The following CTNNA3 variants were observed in gnomAD, a reference collection of about 807,000 sequenced individuals.
CTNNA3 encodes the protein catenin alpha 3, also known as catenin alpha-3.
CTNNA3 carries 76 observed loss-of-function variants against 95.7 expected under a neutral mutation model. The observed-to-expected ratio is 0.79, with a 90% confidence interval of 0.66 to 0.96. The LOEUF (loss-of-function observed/expected upper bound fraction) is 0.96, where lower values mean the gene tolerates loss of function less well. CTNNA3 is among the 40% of genes least tolerant of loss of function. The probability of loss-of-function intolerance (pLI) is 0.00; values close to 1 mark genes in which losing one functional copy is unlikely to be tolerated. For missense variants in CTNNA3, 1,191 were observed against 1,089.8 expected (o/e 1.09, Z -1.31); for synonymous variants, 431 against 374.4 (o/e 1.15, Z -1.74).
intron 3 of CTNNA3, among the ~76,000 whole-genome samples, chr10:67,605,594 C>G (rs1843244515): frequency 6.6e-6 from 1 of 152,158 alleles, no homozygotes; most frequent in South Asian, 2.1e-4. Flanking sequence ...AACCATTTTA[C>G]TATTTATATG....
At chr10:67,719,737 G>T (rs1326876932) in intron 1 of CTNNA3, among the ~76,000 whole-genome samples, 1 of 152,180 alleles carries the variant, frequency 6.6e-6, no homozygotes, top group East Asian at 1.9e-4. Flanking sequence ...GTCAACTTTA[G>T]AATAAGTGCT....
At chr10:66,819,705 AGACATACAAATG>A (rs2132287507) in intron 7 of CTNNA3, among the ~76,000 whole-genome samples, 1 of 152,330 alleles carries the variant, frequency 6.6e-6, no homozygotes, top group Non-Finnish European at 1.5e-5. Flanking sequence ...ACATTTTTCT[AGACATACAAATG>A]GTCAATACAA....
intron 9 of CTNNA3, among the ~76,000 whole-genome samples, chr10:66,651,740 G>C (rs1845911683): frequency 6.6e-6 from 1 of 152,094 alleles, no homozygotes; most frequent in African/African-American, 2.4e-5. Context: ...GGCCTGCTGT[G>C]CTGGCCTGCG....
At chr10:67,380,372 A>G (rs1843895638) in intron 5 of CTNNA3, among the ~76,000 whole-genome samples, 1 of 152,238 alleles carries the variant, frequency 6.6e-6, no homozygotes, top group South Asian at 2.1e-4. Flanking sequence ...ATGAAAGATT[A>G]TTCAATAAAT....
intron 7 of CTNNA3, among the ~76,000 whole-genome samples, chr10:66,919,297 C>T (rs1445122259): frequency 6.6e-6 from 1 of 152,042 alleles, no homozygotes; most frequent in Non-Finnish European, 1.5e-5. Flanking sequence ...ATACTAGCCT[C>T]TCAACTTTTG....
At chr10:66,136,466 A>C (rs769450323) in intron 13 of CTNNA3, among the ~76,000 whole-genome samples, 16 of 151,502 alleles carry the variant, frequency 1.1e-4, no homozygotes, top group Non-Finnish European at 1.6e-4. Flanking sequence ...ATTGGATAAT[A>C]GTTTTCAAAC....
intron 10 of CTNNA3, among the ~76,000 whole-genome samples, chr10:66,571,933 G>A (rs1035016938): frequency 4.6e-5 from 7 of 152,184 alleles, no homozygotes; most frequent in African/African-American, 1.7e-4. Flanking sequence ...CAATTAATTA[G>A]TGTGTATTCA....
At position 66,927,126 on chromosome 10, in the gene CTNNA3, T is replaced by C. The variant is rs1447731608; in HGVS notation, c.1048-151602A>G. 1.2e-6 allele frequency: 2 copies of C among 1,614,194 alleles called. No individual in the cohort carries two copies. Among genetic ancestry groups the C allele is most frequent in the South Asian group, 1.1e-5 (1 of 91,086 alleles). ...GTTGCTTAGGTTTGTCCCTTCGCTATAACAGCCTTCAAAAACTTAAGTATA... is the reference window on the plus strand; with the variant it reads ...GTTGCTTAGGTTTGTCCCTTCGCTACAACAGCCTTCAAAAACTTAAGTATA... On this transcript the variant is annotated intron_variant, in intron 7 of 17. Transcript: ENST00000433211. The surrounding 1 kb of genome is among the most constrained non-coding windows in gnomAD (Gnocchi z 4.7).
chr10:67,088,647 A>G (rs566502978), intron 7 of CTNNA3, among the ~76,000 whole-genome samples: 15 of 152,060 alleles, frequency 9.9e-5, no homozygotes, highest in African/African-American at 2.9e-4. Flanking sequence ...GTGACCTTTC[A>G]AATAGAACTC....
chr10:67,173,253 C>T (rs975430421), intron 7 of CTNNA3, among the ~76,000 whole-genome samples: 32 of 152,146 alleles, frequency 2.1e-4, no homozygotes, highest in African/African-American at 7.7e-4. Context: ...TGATGGCTCA[C>T]ATCTCTTTTC....
chr10:67,726,092 T>A (rs1190659076), intron 1 of CTNNA3, among the ~76,000 whole-genome samples: 1 of 119,684 alleles, frequency 8.4e-6, no homozygotes, highest in Non-Finnish European at 1.6e-5. Flanking sequence ...TATATTATAA[T>A]ATATAATTAT....
intron 17 of CTNNA3, among the ~76,000 whole-genome samples, chr10:65,936,041 T>A (rs1183771549): frequency 6.6e-6 from 1 of 152,138 alleles, no homozygotes; most frequent in African/African-American, 2.4e-5. Context: ...ACCTGATGTA[T>A]CTTGGTTTCA....
intron 15 of CTNNA3, among the ~76,000 whole-genome samples, chr10:66,013,849 G>T (rs900621795): frequency 2.0e-5 from 3 of 151,998 alleles, no homozygotes; most frequent in African/African-American, 7.3e-5. Context: ...TAATAGCTTG[G>T]CAATTCAACA....
At chr10:66,318,835 T>C (rs2092140337) in intron 12 of CTNNA3, among the ~76,000 whole-genome samples, 3 of 152,198 alleles carry the variant, frequency 2.0e-5, no homozygotes, top group East Asian at 1.9e-4. Flanking sequence ...AAATATCTTT[T>C]GAGAACCTTC....
intron 5 of CTNNA3, among the ~76,000 whole-genome samples, chr10:67,389,174 T>C (rs1180492744): frequency 1.3e-5 from 2 of 151,702 alleles, no homozygotes; most frequent in African/African-American, 2.4e-5. Flanking sequence ...CCATCTCACG[T>C]GCAGAGACAC....
intron 14 of CTNNA3, among the ~76,000 whole-genome samples, chr10:66,089,414 C>T (rs2081126647): frequency 6.6e-6 from 1 of 151,416 alleles, no homozygotes. Context: ...TCCCTTCCTT[C>T]CTTCCTTTCT....
Position 67,045,134 on chromosome 10 carries a change from T to C in CTNNA3, c.1047+135183A>G, listed in dbSNP as rs117285939. ...TGATGCTACCTAGTTAATGCTTACA[T>C]ACAGTAAATGCTGAAGCATACAACA... On this transcript the variant is annotated intron_variant, in intron 7 of 17. Coordinates refer to ENST00000433211, the MANE Select transcript of CTNNA3 (RefSeq NM_013266.4). Among the ~76,000 whole-genome samples the C allele has an allele frequency of 9.7e-3, 1,481 of 152,326 alleles. 11 individuals carry two copies. The highest frequency in any genetic ancestry group is 0.017 in the South Asian group (80 of 4,826).
At chr10:66,050,497 A>G (rs1182199750) in intron 15 of CTNNA3, among the ~76,000 whole-genome samples, 1 of 151,650 alleles carries the variant, frequency 6.6e-6, no homozygotes, top group Non-Finnish European at 1.5e-5. Context: ...GGTAGATCAT[A>G]GCTTACTTTA....
At chr10:67,672,675 T>A (rs1238645185) in intron 1 of CTNNA3, among the ~76,000 whole-genome samples, 4 of 152,318 alleles carry the variant, frequency 2.6e-5, no homozygotes, top group Middle Eastern at 3.4e-3. Context: ...GTTGTAGATA[T>A]GAGGCATTAT....
Sources: allele counts gnomAD v4.1 joint callset (sites outside exome capture counted in the v4.1 genomes callset), GRCh38; gene constraint gnomAD v4.1.1; non-coding constraint Gnocchi (gnomAD v3.1); transcripts MANE v1.5; gene names NCBI Gene and HGNC (gene_info 2026-07-23, HGNC 2026-07-21).